Variants in GNPDA1 observed in about 807,000 individuals in gnomAD.
GNPDA1 encodes the protein glucosamine-6-phosphate deaminase 1, also known as GNPDA 1.
A neutral mutation model predicts 28.5 loss-of-function variants in GNPDA1; 24 were observed. That is an observed-to-expected ratio of 0.84 (90% CI 0.61 to 1.19). The LOEUF is 1.19. Ranked by LOEUF, GNPDA1 falls within the 50% of genes most tolerant of loss-of-function variation. The probability of loss-of-function intolerance (pLI) is 0.00; values close to 1 mark genes in which losing one functional copy is unlikely to be tolerated. For synonymous variants in GNPDA1, 147 were observed against 139.3 expected (o/e 1.06, Z -0.39); for missense variants, 264 against 367.3 (o/e 0.72, Z 2.30).
intron 2 of GNPDA1, among the ~76,000 whole-genome samples, chr5:142,009,334 A>G (rs1755883464): frequency 6.6e-6 from 1 of 152,038 alleles, no homozygotes; most frequent in Admixed American, 6.6e-5. Context: ...GCCCCTGGCT[A>G]TGAGACCCTC....
At chr5:142,002,914 T>C (rs887991555) in intron 6 of GNPDA1, among the ~76,000 whole-genome samples, 174 bp downstream of exon 6, 6 of 152,192 alleles carry the variant, frequency 3.9e-5, no homozygotes, top group African/African-American at 1.4e-4. Context: ...GAAATGGATC[T>C]TTGCAGTCAC....
intron 2 of GNPDA1, 106 bp downstream of exon 2, chr5:142,011,806 C>G: frequency 3.8e-6 from 5 of 1,310,374 alleles, no homozygotes; most frequent in South Asian, 2.4e-5. Flanking sequence ...CACCAGTACC[C>G]CAGAGCCCCC....
intron 5 of GNPDA1, chr5:142,004,727 G>T: frequency 2.3e-6 from 1 of 438,808 alleles, no homozygotes; most frequent in Non-Finnish European, 4.1e-6. Context: ...CCAAAAACGT[G>T]CTCAAGGGAT....
chr5:142,002,233 G>A, intron 6 of GNPDA1, 104 bp from the exon 7 acceptor site: 1 of 627,572 alleles, frequency 1.6e-6, no homozygotes, highest in Non-Finnish European at 2.8e-6. Context: ...TCTTAGAGCT[G>A]ACACTTCTCT....
intron 2 of GNPDA1, among the ~76,000 whole-genome samples, chr5:142,011,305 C>G (rs559476975): frequency 2.0e-5 from 3 of 151,388 alleles, no homozygotes; most frequent in African/African-American, 7.3e-5. Context: ...CACATAGACA[C>G]GCTAATGGAT....
intron 1 of GNPDA1, chr5:142,012,668 C>A (rs1755992592): frequency 1.1e-6 from 1 of 892,152 alleles, no homozygotes; most frequent in Non-Finnish European, 1.3e-6. Context: ...TACTGGCCCA[C>A]CTTGCTTTGC....
rs953649045 is a variant in GNPDA1 at position 142,001,221 on chromosome 5, A to G, written c.*808T>C. Reference sequence around the variant, plus strand: ...AAATTGTGGCAGTGTCTGTTGCCCCAGTGGACCTCCCACTTACTAATGAGT... The same window carrying G: ...AAATTGTGGCAGTGTCTGTTGCCCCGGTGGACCTCCCACTTACTAATGAGT... On this transcript the variant is annotated 3_prime_UTR_variant, in exon 7 of 7. Transcript: ENST00000311337. 1.3e-5 allele frequency: 2 copies of G among 152,278 alleles called. No individual in the cohort carries two copies. Among genetic ancestry groups the G allele is most frequent in the Non-Finnish European group, 2.9e-5 (2 of 68,036 alleles). The allele number at this position is 152,278 out of a possible 1,614,324, so 9.4% of individuals were successfully genotyped here.
chr5:142,007,801 A>C lies in GNPDA1; in HGVS notation c.224T>G (p.Val75Gly), dbSNP rs768237523. ...YVKTFNMDEY[V>G]GLPRDHPESY... ...AACCTTGAAAGAGAAAGACTCACCC[A>C]CGTACTCATCCATGTTGAAGGTCTT... The change falls in exon 3 of 7, where the codon GTG becomes GGG. Residue 75 changes from valine (V) to glycine (G), a missense_variant and splice_region_variant. By Grantham distance (109) the Val-to-Gly change is moderately radical. Coordinates refer to ENST00000311337, the MANE Select transcript of GNPDA1 (RefSeq NM_005471.5). 6.4e-7 allele frequency: 1 copy of C among 1,555,280 alleles called. No homozygotes were observed. Among genetic ancestry groups the C allele is most frequent in the South Asian group, 1.1e-5 (1 of 89,876 alleles).
chr5:142,008,105 A>C (rs1755853563), intron 2 of GNPDA1, among the ~76,000 whole-genome samples: 1 of 152,260 alleles, frequency 6.6e-6, no homozygotes, highest in African/African-American at 2.4e-5. Context: ...CCAGGAGGGC[A>C]GGACTGTGTC....
chr5:142,001,410 C>T lies in GNPDA1; in HGVS notation c.*619G>A, dbSNP rs1755675105. 1 of 152,444 alleles carries T rather than the reference C, an allele frequency of 6.6e-6. No homozygotes were observed. Among genetic ancestry groups the T allele is most frequent in the East Asian group, 1.9e-4 (1 of 5,310 alleles). The allele number at this position is 152,444 out of a possible 1,614,324, so 9.4% of individuals were successfully genotyped here. A position where few individuals can be genotyped will look rare whatever the true frequency, so the allele number is the denominator to read the frequency against. On this transcript the variant is annotated 3_prime_UTR_variant, in exon 7 of 7. Coordinates refer to ENST00000311337, the MANE Select transcript of GNPDA1 (RefSeq NM_005471.5). ...CTGGATTTATCAATAGAAGCCTCCTCTTTGGCCCCACCCACCCAAATCCAC... is the reference window on the plus strand; with the variant it reads ...CTGGATTTATCAATAGAAGCCTCCTTTTTGGCCCCACCCACCCAAATCCAC...
chr5:142,005,622 G>A (rs1468544250), intron 4 of GNPDA1, among the ~76,000 whole-genome samples: 1 of 152,154 alleles, frequency 6.6e-6, no homozygotes, highest in Non-Finnish European at 1.5e-5. Context: ...GTGATCTCTA[G>A]AGCAATAAAA....
chr5:142,003,058 C>T lies in GNPDA1; in HGVS notation c.769+30G>A. On this transcript the variant is annotated intron_variant, in intron 6 of 6. Coordinates refer to ENST00000311337, the MANE Select transcript of GNPDA1 (RefSeq NM_005471.5). This position sits in a 1 kb window ranked among gnomAD's most constrained non-coding sequence, Gnocchi z 4.0. Reference sequence around the variant, plus strand: ...ACTCCTAGCACACCCTAAGCTTGACCACCTCCTCCTGGACCCACACCTCCC... The same window carrying T: ...ACTCCTAGCACACCCTAAGCTTGACTACCTCCTCCTGGACCCACACCTCCC... The T allele has an allele frequency of 1.9e-6, 3 of 1,591,824 alleles. No individual in the cohort carries two copies. The highest frequency in any genetic ancestry group is 2.6e-6 in the Non-Finnish European group (3 of 1,166,752).
rs1755736929 is a variant in GNPDA1, at chr5:142,003,850, A to T, written c.595-588T>A. The stretch of plus-strand genomic sequence containing the variant: ...AAAACAAAGGCACAGTCTCCACTTA[A>T]CAGTTAAAATATCGAGAATGTAAGT... On this transcript the variant is annotated intron_variant, in intron 5 of 6. Coordinates refer to ENST00000311337, the MANE Select transcript of GNPDA1 (RefSeq NM_005471.5). This position sits in a 1 kb window ranked among gnomAD's most constrained non-coding sequence, Gnocchi z 4.0. Among the ~76,000 whole-genome samples, 1 of 152,248 alleles carries T rather than the reference A, an allele frequency of 6.6e-6. No individual in the cohort carries two copies. Among genetic ancestry groups the T allele is most frequent in the South Asian group, 2.1e-4 (1 of 4,838 alleles).
chr5:142,010,517 T>TCTTA, intron 2 of GNPDA1, among the ~76,000 whole-genome samples: 1 of 148,816 alleles, frequency 6.7e-6, no homozygotes, highest in East Asian at 2.0e-4. Flanking sequence ...CTTTCTTTTT[T>TCTTA]TTTTTTTTTT....
intron 1 of GNPDA1, 47 bp downstream of exon 1, chr5:142,012,948 G>C (rs1008772927): frequency 2.0e-5 from 3 of 151,516 alleles, no homozygotes; most frequent in African/African-American, 7.3e-5. Flanking sequence ...AGCGCTCCGC[G>C]CTCCGGCCCG....
At position 142,003,817 on chromosome 5, in the gene GNPDA1, T is replaced by C. The variant is rs961318156; in HGVS notation, c.595-555A>G. Reference sequence around the variant, plus strand: ...GACTTGGGGTGATGGTTTTTGTTAATATATAATAAAACAAAGGCACAGTCT... The same window carrying C: ...GACTTGGGGTGATGGTTTTTGTTAACATATAATAAAACAAAGGCACAGTCT... On this transcript the variant is annotated intron_variant, in intron 5 of 6. Coordinates refer to ENST00000311337, the MANE Select transcript of GNPDA1 (RefSeq NM_005471.5). The surrounding 1 kb of genome is among the most constrained non-coding windows in gnomAD (Gnocchi z 4.0). Among the ~76,000 whole-genome samples the C allele has an allele frequency of 1.3e-5, 2 of 152,204 alleles. No individual in the cohort carries two copies. The highest frequency in any genetic ancestry group is 4.8e-5 in the African/African-American group (2 of 41,436).
chr5:142,007,850 C>A lies in GNPDA1; in HGVS notation c.175G>T (p.Gly59Trp). 6.2e-7 allele frequency: 1 copy of A among 1,613,000 alleles called. No individual in the cohort carries two copies. The highest frequency in any genetic ancestry group is 8.5e-7 in the Non-Finnish European group (1 of 1,178,978). Reference protein sequence around the residue: ...YKKLIEYYKNGDLSFKYVKTF... With the variant: ...YKKLIEYYKNWDLSFKYVKTF... The stretch of plus-strand genomic sequence containing the variant: ...TTCACATATTTAAAGGACAGGTCCC[C>A]ATTCTTATAGTATTCAATCAGCTTC... The change falls in exon 3 of 7, where the codon GGG (glycine) becomes TGG (tryptophan). Residue 59 changes from glycine to tryptophan, a missense_variant. Coordinates refer to ENST00000311337, the MANE Select transcript of GNPDA1 (RefSeq NM_005471.5).
At chr5:142,012,131 A>G in intron 1 of GNPDA1, 90 bp from the exon 2 acceptor site, 1 of 1,320,416 alleles carries the variant, frequency 7.6e-7, no homozygotes. Context: ...TCTCTTACCC[A>G]GCAACAATCC....
At chr5:142,011,289 CA>C (rs1561574059) in intron 2 of GNPDA1, among the ~76,000 whole-genome samples, 4 of 149,934 alleles carry the variant, frequency 2.7e-5, no homozygotes, top group Admixed American at 1.3e-4. Flanking sequence ...CCAACACACA[CA>C]CACACACATA....
Sources: allele counts gnomAD v4.1 joint callset (sites outside exome capture counted in the v4.1 genomes callset), GRCh38; gene constraint gnomAD v4.1.1; non-coding constraint Gnocchi (gnomAD v3.1); transcripts MANE v1.5; gene names NCBI Gene and HGNC (gene_info 2026-07-23, HGNC 2026-07-21).